HEMGN: variants seen among roughly 807,000 people sequenced by gnomAD.
The protein encoded by HEMGN is hemogen.
In HEMGN, 32 loss-of-function variants were observed where a neutral mutation model predicts 45.7. The observed-to-expected ratio is 0.70, with a 90% CI of 0.53 to 0.94. The LOEUF (loss-of-function observed/expected upper bound fraction) is 0.94, where lower values mean the gene tolerates loss of function less well. Ranked by LOEUF, HEMGN falls within the 40% of genes least tolerant of loss-of-function variation. The probability of loss-of-function intolerance (pLI) is 0.00; values close to 1 mark genes in which losing one functional copy is unlikely to be tolerated. For missense variants in HEMGN, 530 were observed against 564.2 expected (o/e 0.94, Z 0.61); for synonymous variants, 183 against 178.6 (o/e 1.02, Z -0.20).
At chr9:97,928,502 C>T (rs1473052478) in intron 3 of HEMGN, among the ~76,000 whole-genome samples, 1 of 152,076 alleles carries the variant, frequency 6.6e-6, no homozygotes, top group Non-Finnish European at 1.5e-5. Context: ...CCGTTTGGCC[C>T]AACAATTTGA....
chr9:97,935,019 G>A (rs1358603641), intron 2 of HEMGN, among the ~76,000 whole-genome samples: 2 of 152,196 alleles, frequency 1.3e-5, no homozygotes, highest in African/African-American at 4.8e-5. Context: ...GGGAACCCTG[G>A]ATGCTGGCTG....
Position 97,930,260 on chromosome 9 carries a change from C to A in HEMGN, c.1135G>T (p.Glu379Ter), listed in dbSNP as rs202184558. 1.6e-4 allele frequency: 256 copies of A among 1,613,976 alleles called. No homozygotes were observed. Among genetic ancestry groups the A allele is most frequent in the Non-Finnish European group, 1.0e-4 (123 of 1,180,012 alleles). The change falls in exon 3 of 4, where the codon GAA (glutamate) becomes TAA (stop). Residue 379 changes from glutamate to a stop codon, truncating the protein, a stop_gained. Coordinates refer to ENST00000616898, the MANE Select transcript of HEMGN (RefSeq NM_197978.3). LOFTEE classifies it high-confidence loss of function. The stretch of plus-strand genomic sequence containing the variant: ...TCTTGGTATATTTCAGGTGAATATT[C>A]TTCAAGCCCAGGTATTTCTTGATAC... ...ETYQEIPGLEEYSPEIYQETS... is the reference protein window; with the variant it reads ...ETYQEIPGLE
At chr9:97,932,197 T>A (rs922124329) in intron 2 of HEMGN, among the ~76,000 whole-genome samples, 1 of 152,222 alleles carries the variant, frequency 6.6e-6, no homozygotes, top group Non-Finnish European at 1.5e-5. Context: ...CTGTAGTTAT[T>A]TCTGAAGAAA....
upstream of HEMGN, among the ~76,000 whole-genome samples, chr9:97,942,015 A>T (rs1311518220): frequency 6.6e-6 from 1 of 152,194 alleles, no homozygotes; most frequent in African/African-American, 2.4e-5. Context: ...CCATGGCAAA[A>T]TGAAGACAGA....
At chr9:97,938,239 A>G, upstream of HEMGN, 3 of 757,090 alleles carry the variant, frequency 4.0e-6, no homozygotes, top group Non-Finnish European at 4.5e-6. Context: ...AAAAAACCAC[A>G]CACACAAGTT....
chr9:97,938,085 G>C lies in HEMGN; in HGVS notation c.52C>G (p.Pro18Ala). 6.2e-7 allele frequency: 1 copy of C among 1,611,638 alleles called. No individual in the cohort carries two copies. Among genetic ancestry groups the C allele is most frequent in the Non-Finnish European group, 8.5e-7 (1 of 1,178,328 alleles). The change falls in exon 1 of 4, where the codon CCT (proline) becomes GCT (alanine). Residue 18 changes from proline (P) to alanine (A), a missense_variant. Physicochemically the swap from Pro to Ala is conservative, Grantham distance 27. Coordinates refer to ENST00000616898, the MANE Select transcript of HEMGN (RefSeq NM_197978.3). ...SHLKHHQTPD[P>A]HQEENHSPEV... is the part of the protein sequence containing the mutation. ...GGAGAATGGTTCTCTTCTTGATGAG[G>C]GTCAGGTGTCTGATGGTGCTTCAAA... is the stretch of plus-strand genomic sequence containing the variant.
upstream of HEMGN, among the ~76,000 whole-genome samples, chr9:97,939,463 C>T (rs1827119776): frequency 6.6e-6 from 1 of 152,100 alleles, no homozygotes; most frequent in East Asian, 1.9e-4. Context: ...GAATAGATAC[C>T]CACTACTTCC....
chr9:97,933,459 A>G (rs1826994773), intron 2 of HEMGN, among the ~76,000 whole-genome samples: 1 of 152,216 alleles, frequency 6.6e-6, no homozygotes, highest in Non-Finnish European at 1.5e-5. Context: ...TTGATAATCA[A>G]GCCATATACA....
chr9:97,938,213 A>T (rs532426512), upstream of HEMGN: 3 of 911,924 alleles, frequency 3.3e-6, no homozygotes, highest in East Asian at 2.4e-5. Flanking sequence ...TATCAAAAAC[A>T]TCTAACACTT....
intron 2 of HEMGN, among the ~76,000 whole-genome samples, chr9:97,934,049 A>G (rs569041372): frequency 1.1e-4 from 16 of 152,326 alleles, no homozygotes; most frequent in Admixed American, 6.5e-4. Context: ...GTCACATAGT[A>G]GAAAATACCT....
At chr9:97,937,115 A>C (rs1827075995) in intron 1 of HEMGN, among the ~76,000 whole-genome samples, 1 of 152,164 alleles carries the variant, frequency 6.6e-6, no homozygotes, top group Non-Finnish European at 1.5e-5. Flanking sequence ...AATAGGAAAA[A>C]TTATATCTTT....
At position 97,927,398 on chromosome 9, in the gene HEMGN, A is replaced by T. The variant is rs760660389; in HGVS notation, c.1441T>A (p.Tyr481Asn). Residue 481 changes from tyrosine to asparagine, a missense_variant, in exon 4 of 4, where the codon TAT becomes AAT. Tyr to Asn is a moderately radical substitution (Grantham distance 143). Transcript: ENST00000616898. ...GTTGAGCATTGTTAAAACAAAACAT[A>T]ACTATAGACATCATTTTCTGGATGA... ...ESHPENDVYS[Y>N]VLF is the part of the protein sequence containing the mutation. The T allele has an allele frequency of 2.5e-6, 4 of 1,598,580 alleles. No individual in the cohort carries two copies. The highest frequency in any genetic ancestry group is 1.3e-5 in the African/African-American group (1 of 74,664).
At chr9:97,943,729 G>A (rs1471716128) in intron 1 of HEMGN, among the ~76,000 whole-genome samples, 2 of 152,160 alleles carry the variant, frequency 1.3e-5, no homozygotes, top group Non-Finnish European at 2.9e-5. Context: ...TCTTGAACTA[G>A]TAATATATTC....
chr9:97,927,230 C>G lies in HEMGN; in HGVS notation c.*154G>C. 1 of 517,760 alleles carries G rather than the reference C, an allele frequency of 1.9e-6. No individual in the cohort carries two copies. The allele number at this position is 517,760 out of a possible 1,614,324, so 32.1% of individuals were successfully genotyped here. On this transcript the variant is annotated 3_prime_UTR_variant, in exon 4 of 4. Coordinates refer to ENST00000616898, the MANE Select transcript of HEMGN (RefSeq NM_197978.3). Reference sequence around the variant, plus strand: ...GCATGATATTGTCTATGTGGTAGAGCCTTAAAAAATGTTATTTCTTTCAGA... The same window carrying G: ...GCATGATATTGTCTATGTGGTAGAGGCTTAAAAAATGTTATTTCTTTCAGA...
At chr9:97,929,815 T>C (rs1826906559) in intron 3 of HEMGN, among the ~76,000 whole-genome samples, 1 of 152,272 alleles carries the variant, frequency 6.6e-6, no homozygotes, top group South Asian at 2.1e-4. Flanking sequence ...ATAGTATGAA[T>C]AAGTACTTAA....
chr9:97,936,255 C>T lies in HEMGN; in HGVS notation c.89G>A (p.Gly30Glu), dbSNP rs754324765. The T allele has an allele frequency of 2.0e-5, 32 of 1,604,712 alleles. No homozygotes were observed. Among genetic ancestry groups the T allele is most frequent in the Non-Finnish European group, 2.3e-5 (27 of 1,173,106 alleles). ...QEENHSPEVI[G>E]TWSLRNRELL... Reference sequence around the variant, plus strand: ...TTCTCTGTTTCTCAAACTCCAGGTTCCAATGACTTCTGTAATAAAATGAAA... The same window carrying T: ...TTCTCTGTTTCTCAAACTCCAGGTTTCAATGACTTCTGTAATAAAATGAAA... The change falls in exon 2 of 4, where the codon GGA (glycine) becomes GAA (glutamate). Residue 30 changes from glycine to glutamate, a missense_variant. Coordinates refer to ENST00000616898, the MANE Select transcript of HEMGN (RefSeq NM_197978.3).
intron 2 of HEMGN, among the ~76,000 whole-genome samples, chr9:97,932,530 G>T (rs1826973724): frequency 6.6e-6 from 1 of 152,158 alleles, no homozygotes; most frequent in Non-Finnish European, 1.5e-5. Flanking sequence ...TCTAGGCCGG[G>T]TGCGTTGGCT....
At chr9:97,937,243 G>T (rs962477135) in intron 1 of HEMGN, among the ~76,000 whole-genome samples, 2 of 151,896 alleles carry the variant, frequency 1.3e-5, no homozygotes, top group Admixed American at 6.6e-5. Context: ...AAGTTCAGGG[G>T]TTCATGTGCA....
At chr9:97,933,099 T>G (rs1826987982) in intron 2 of HEMGN, among the ~76,000 whole-genome samples, 1 of 152,160 alleles carries the variant, frequency 6.6e-6, no homozygotes, top group Admixed American at 6.5e-5. Context: ...GGCCTAAACT[T>G]TAGTCTGTAC....
Sources: allele counts gnomAD v4.1 joint callset (sites outside exome capture counted in the v4.1 genomes callset), GRCh38; gene constraint gnomAD v4.1.1; transcripts MANE v1.5; gene names NCBI Gene and HGNC (gene_info 2026-07-23, HGNC 2026-07-21).